Variants in PDE1C observed in about 807,000 individuals in gnomAD.
PDE1C encodes the protein dual specificity calcium/calmodulin-dependent 3',5'-cyclic nucleotide phosphodiesterase 1C.
PDE1C carries 62 observed loss-of-function variants against 93.1 expected under a neutral mutation model. The observed-to-expected ratio is 0.67, with a 90% confidence interval of 0.54 to 0.82. The LOEUF (loss-of-function observed/expected upper bound fraction) is 0.82, where lower values mean the gene tolerates loss of function less well. Among genes scored for constraint, PDE1C ranks in the 40% least tolerant of loss-of-function variants. The pLI, the probability that PDE1C is intolerant of heterozygous loss-of-function variation, is 0.00. For synonymous variants in PDE1C, 325 were observed against 310.1 expected (o/e 1.05, Z -0.50); for missense variants, 742 against 884.6 (o/e 0.84, Z 2.04).
chr7:31,926,838 C>G (rs1427187000), intron 2 of PDE1C, among the ~76,000 whole-genome samples: 1 of 152,184 alleles, frequency 6.6e-6, no homozygotes, highest in Middle Eastern at 3.2e-3. Flanking sequence ...CCACCAGGAC[C>G]CTGGATTTCA....
intron 1 of PDE1C, among the ~76,000 whole-genome samples, chr7:32,054,422 T>C (rs1793779144): frequency 6.6e-6 from 1 of 152,304 alleles, no homozygotes; most frequent in African/African-American, 2.4e-5. Flanking sequence ...ATTTGTCATG[T>C]AGTGTGCCTG....
intron 1 of PDE1C, among the ~76,000 whole-genome samples, chr7:32,320,316 G>A (rs759668675): frequency 4.6e-5 from 7 of 152,076 alleles, no homozygotes; most frequent in African/African-American, 7.2e-5. Flanking sequence ...TGGAAGGGGG[G>A]AAAACAGGTA....
At chr7:32,005,363 T>A (rs1786056314) in intron 2 of PDE1C, among the ~76,000 whole-genome samples, 1 of 151,946 alleles carries the variant, frequency 6.6e-6, no homozygotes, top group African/African-American at 2.4e-5. Flanking sequence ...GAGACCATCC[T>A]GGCTAACACG....
intron 4 of PDE1C, 59 bp downstream of exon 4, chr7:31,878,937 T>C (rs1340121801): frequency 2.0e-6 from 3 of 1,498,644 alleles, no homozygotes; most frequent in Non-Finnish European, 2.8e-6. Context: ...CTTCCAGTTA[T>C]TGGAAACGTG....
the PDE1C span, among the ~76,000 whole-genome samples, chr7:31,740,500 C>T: frequency 6.6e-6 from 1 of 152,062 alleles, no homozygotes; most frequent in East Asian, 1.9e-4. Flanking sequence ...AAGTAGTTTC[C>T]AATTCTTCAC....
intron 2 of PDE1C, among the ~76,000 whole-genome samples, chr7:32,195,040 C>T (rs1804519328): frequency 6.6e-6 from 1 of 152,182 alleles, no homozygotes; most frequent in Non-Finnish European, 1.5e-5. Context: ...AACCTTACCT[C>T]CCTTTACATC....
chr7:31,865,401 A>G (rs976270838), intron 6 of PDE1C, among the ~76,000 whole-genome samples: 3 of 152,174 alleles, frequency 2.0e-5, no homozygotes, highest in Non-Finnish European at 4.4e-5. Flanking sequence ...ACACACATAG[A>G]AAACTGAGTT....
At chr7:32,362,078 A>C (rs1469241537) in intron 1 of PDE1C, among the ~76,000 whole-genome samples, 2 of 152,178 alleles carry the variant, frequency 1.3e-5, no homozygotes, top group Non-Finnish European at 2.9e-5. Context: ...TGGCAGGAGC[A>C]CAGAGGAGGG....
the PDE1C span, among the ~76,000 whole-genome samples, chr7:31,727,749 T>G: frequency 6.6e-6 from 1 of 152,146 alleles, no homozygotes; most frequent in Non-Finnish European, 1.5e-5. Flanking sequence ...AATCAATAAA[T>G]TAAGAGTTTC....
the PDE1C span, chr7:31,655,892 G>C: frequency 1.0e-6 from 1 of 985,346 alleles, no homozygotes; most frequent in African/African-American, 1.7e-5. Context: ...CCTGGCTCTA[G>C]GATGTCCCTC....
intron 1 of PDE1C, among the ~76,000 whole-genome samples, chr7:32,269,493 C>A (rs1322043807): frequency 2.0e-5 from 3 of 150,920 alleles, no homozygotes; most frequent in Non-Finnish European, 3.0e-5. Context: ...TTGGTTTTTT[C>A]TTTTTAGATG....
chr7:32,311,639 A>G (rs531719697), intron 1 of PDE1C, among the ~76,000 whole-genome samples: 58 of 152,210 alleles, frequency 3.8e-4, no homozygotes, highest in African/African-American at 1.4e-3. Context: ...TATAAACAGA[A>G]CCAAAGATAA....
chr7:31,744,418 C>G, the PDE1C span, among the ~76,000 whole-genome samples: 2 of 152,068 alleles, frequency 1.3e-5, no homozygotes, highest in Non-Finnish European at 1.5e-5. Flanking sequence ...CTACATTCAT[C>G]CAGCTAAAAA....
the PDE1C span, among the ~76,000 whole-genome samples, chr7:31,625,301 T>C: frequency 6.8e-4 from 103 of 152,054 alleles, 1 homozygote; most frequent in African/African-American, 2.4e-3. Context: ...TAAATCATGC[T>C]GCTATAAAGA....
intron 16 of PDE1C, among the ~76,000 whole-genome samples, chr7:31,807,836 C>A (rs1787048251): frequency 6.6e-6 from 1 of 151,574 alleles, no homozygotes; most frequent in African/African-American, 2.4e-5. Context: ...ATTCTAAATT[C>A]TATTTTGTTC....
At chr7:32,340,803 A>G (rs182846811) in intron 1 of PDE1C, among the ~76,000 whole-genome samples, 149 of 152,352 alleles carry the variant, frequency 9.8e-4, no homozygotes, top group African/African-American at 3.4e-3. Context: ...TACAATGGAG[A>G]TAGTAAAAAG....
intron 3 of PDE1C, among the ~76,000 whole-genome samples, chr7:32,104,058 G>A (rs1414180401): frequency 6.6e-6 from 1 of 152,172 alleles, no homozygotes; most frequent in Non-Finnish European, 1.5e-5. Context: ...ATTACGCTCA[G>A]ACATCTGACT....
At chr7:32,213,906 C>G (rs373336438) in intron 1 of PDE1C, among the ~76,000 whole-genome samples, 1 of 152,170 alleles carries the variant, frequency 6.6e-6, no homozygotes, top group Non-Finnish European at 1.5e-5. Flanking sequence ...GATATATTAA[C>G]AGTTATTTCT....
the PDE1C span, among the ~76,000 whole-genome samples, chr7:31,727,679 T>C: frequency 0.031 from 4,775 of 152,292 alleles, 289 homozygotes; most frequent in African/African-American, 0.11. Flanking sequence ...AAAGATTTCC[T>C]GACTCTAAAC....
Sources: gnomAD v4.1 joint callset for allele counts (sites outside exome capture counted in the v4.1 genomes callset) on GRCh38, gnomAD v4.1.1 for gene constraint, MANE v1.5 for transcripts, NCBI Gene and HGNC (gene_info 2026-07-23, HGNC 2026-07-21) for gene names.